Variants in ENTPD1 observed in about 807,000 individuals in gnomAD.
ENTPD1 encodes ectonucleoside triphosphate diphosphohydrolase 1.
Under a neutral mutation model 57.0 loss-of-function variants are expected in ENTPD1, and 33 were observed. The observed-to-expected ratio is 0.58, with a 90% CI of 0.44 to 0.77. ENTPD1 has a LOEUF of 0.77. Among genes scored for constraint, ENTPD1 ranks in the 30% least tolerant of loss-of-function variants. The probability of loss-of-function intolerance (pLI) is 0.00; values close to 1 mark genes in which losing one functional copy is unlikely to be tolerated. For missense variants in ENTPD1, 501 were observed against 603.4 expected (o/e 0.83, Z 1.78); for synonymous variants, 202 against 218.8 (o/e 0.92, Z 0.68).
At position 95,867,547 on chromosome 10, in the gene ENTPD1, C is replaced by T; in HGVS notation, c.*1164C>T. 2.0e-6 allele frequency: 2 copies of T among 985,430 alleles called. No individual in the cohort carries two copies. The highest frequency in any genetic ancestry group is 2.4e-6 in the Non-Finnish European group (2 of 829,930). 61.0% of individuals were successfully genotyped at this position (985,430 alleles called of 1,614,324 possible). A position where few individuals can be genotyped will look rare whatever the true frequency, so the allele number is the denominator to read the frequency against. On this transcript the variant is annotated 3_prime_UTR_variant, in exon 10 of 10. Transcript: ENST00000371205. ...TGCTTTTGCCCTATCGTGGAATTTA[C>T]ACATCAGAATGTGCAGGATCCAAGT...
chr10:95,734,005 T>G (rs1201439308), intron 1 of ENTPD1, among the ~76,000 whole-genome samples: 1 of 152,166 alleles, frequency 6.6e-6, no homozygotes, highest in Non-Finnish European at 1.5e-5. Flanking sequence ...TGTGGTCATG[T>G]CCTGCTGGGT....
At chr10:95,703,020 C>T in the ENTPD1 span, among the ~76,000 whole-genome samples, 6 of 151,952 alleles carry the variant, frequency 3.9e-5, no homozygotes, top group African/African-American at 9.7e-5. Flanking sequence ...TTCCTCACCT[C>T]GTGATCCACC....
chr10:95,705,125 AG>A, the ENTPD1 span, among the ~76,000 whole-genome samples: 1 of 152,164 alleles, frequency 6.6e-6, no homozygotes, highest in South Asian at 2.1e-4. Flanking sequence ...TTAAAGGTGG[AG>A]GATATGGAGT....
At chr10:95,731,433 C>T (rs1422757369) in intron 1 of ENTPD1, among the ~76,000 whole-genome samples, 3 of 152,172 alleles carry the variant, frequency 2.0e-5, no homozygotes, top group African/African-American at 7.2e-5. Flanking sequence ...GTACCCTCAG[C>T]CCTCACCATT....
Position 95,756,192 on chromosome 10 carries a change from G to GC in ENTPD1, c.-48_-47insC, listed in dbSNP as rs1555278459. 2 of 1,370,554 alleles carry GC rather than the reference G, an allele frequency of 1.5e-6. No individual in the cohort carries two copies. Among genetic ancestry groups the GC allele is most frequent in the South Asian group, 1.4e-5 (1 of 71,958 alleles). The allele number at this position is 1,370,554 out of a possible 1,614,324, so 84.9% of individuals were successfully genotyped here. ...AGACGGACCACAGCAAGCAGAGGCT[G>GC]GGGGGGGGAAAGACGAGGAAAGAGG... On this transcript the variant is annotated 5_prime_UTR_variant, in exon 1 of 10. Coordinates refer to ENST00000371205, the MANE Select transcript of ENTPD1 (RefSeq NM_001776.6).
At chr10:95,698,051 G>T in the ENTPD1 span, among the ~76,000 whole-genome samples, 2 of 152,186 alleles carry the variant, frequency 1.3e-5, no homozygotes, top group African/African-American at 4.8e-5. Context: ...ACTTCTTAGA[G>T]ATTTGTTAAA....
At chr10:95,844,790 T>C in intron 5 of ENTPD1, 155 bp downstream of exon 5, 2 of 960,820 alleles carry the variant, frequency 2.1e-6, no homozygotes, top group Non-Finnish European at 3.3e-6. Flanking sequence ...CTCACATTTG[T>C]AAGGGTCACC....
At chr10:95,713,689 G>A (rs559420394) in intron 1 of ENTPD1, among the ~76,000 whole-genome samples, 4 of 152,172 alleles carry the variant, frequency 2.6e-5, no homozygotes, top group Admixed American at 6.5e-5. Flanking sequence ...ATATTTGTGT[G>A]ACTCTTGACT....
chr10:95,720,095 A>T (rs986631558), intron 1 of ENTPD1, among the ~76,000 whole-genome samples: 1 of 152,078 alleles, frequency 6.6e-6, no homozygotes, highest in South Asian at 2.1e-4. Flanking sequence ...GGGCTATTGC[A>T]TGGTTTTACT....
intron 1 of ENTPD1, among the ~76,000 whole-genome samples, chr10:95,775,943 C>A (rs2098132143): frequency 6.6e-6 from 1 of 152,142 alleles, no homozygotes; most frequent in Non-Finnish European, 1.5e-5. Flanking sequence ...TCTGTTTTAT[C>A]AGAGACTAGG....
At chr10:95,785,514 G>A (rs1044717844) in intron 1 of ENTPD1, among the ~76,000 whole-genome samples, 2 of 152,190 alleles carry the variant, frequency 1.3e-5, no homozygotes, top group Admixed American at 6.5e-5. Flanking sequence ...AAGATCATAA[G>A]GTCTCAGGAC....
chr10:95,735,641 G>A (rs2097993872), intron 1 of ENTPD1, among the ~76,000 whole-genome samples: 1 of 152,046 alleles, frequency 6.6e-6, no homozygotes, highest in South Asian at 2.1e-4. Context: ...TGTTGCCCAG[G>A]CTGGAGTGCA....
intron 4 of ENTPD1, chr10:95,843,256 A>C (rs2098426256): frequency 1.3e-5 from 2 of 152,268 alleles, no homozygotes; most frequent in African/African-American, 2.4e-5. Context: ...TGAACAGGAC[A>C]AAGTCTCTGA....
At chr10:95,724,575 T>G (rs1343837888) in intron 1 of ENTPD1, among the ~76,000 whole-genome samples, 1 of 152,152 alleles carries the variant, frequency 6.6e-6, no homozygotes, top group Admixed American at 6.5e-5. Flanking sequence ...AGTGTTCAGC[T>G]CAACTAGGAC....
chr10:95,745,209 G>A lies in ENTPD1; in HGVS notation c.37+33216G>A, dbSNP rs193189305. 2.0e-4 allele frequency among the ~76,000 whole-genome samples: 31 copies of A among 152,134 alleles called. No individual in the cohort carries two copies. The East Asian group carries it at 5.0e-3, about 25-fold the overall frequency. On this transcript the variant is annotated intron_variant, in intron 1 of 9. Transcript: ENST00000453258. ...AATGTTTTTTTATTTTTAGAAATAAGGTCTTGCTCTCTTTCTCAGGTTGGA... is the reference window on the plus strand; with the variant it reads ...AATGTTTTTTTATTTTTAGAAATAAAGTCTTGCTCTCTTTCTCAGGTTGGA...
Position 95,871,221 on chromosome 10 carries a change from TAAATGCGATTA to T in ENTPD1, c.*4839_*4849del, listed in dbSNP as rs2098480065. ...TTAACACAGGAAAAAAGTAAAGCAT[TAAATGCGATTA>T]TTTAATATACAATGTCTTATTAACT... On this transcript the variant is annotated 3_prime_UTR_variant, in exon 10 of 10. Coordinates refer to ENST00000371205, the MANE Select transcript of ENTPD1 (RefSeq NM_001776.6). The T allele has an allele frequency of 1.0e-6, 1 of 985,340 alleles. No individual in the cohort carries two copies. Among genetic ancestry groups the T allele is most frequent in the Admixed American group, 6.1e-5 (1 of 16,270 alleles). 61.0% of individuals were successfully genotyped at this position (985,340 alleles called of 1,614,324 possible).
In ENTPD1 at chr10:95,869,245, T is replaced by C. The variant is rs2098477803; in HGVS notation, c.*2862T>C. On this transcript the variant is annotated 3_prime_UTR_variant, in exon 10 of 10. Transcript: ENST00000371205. ...AAAGATCAGCAGAAGTCATTACTTTTTTTTTTTTTTTTTTTTTTTTTTGAG... is the reference window on the plus strand; with the variant it reads ...AAAGATCAGCAGAAGTCATTACTTTCTTTTTTTTTTTTTTTTTTTTTTGAG... 1 of 368,928 alleles carries C rather than the reference T, an allele frequency of 2.7e-6. No individual in the cohort carries two copies. Among genetic ancestry groups the C allele is most frequent in the South Asian group, 1.0e-4 (1 of 9,964 alleles). The allele number at this position is 368,928 out of a possible 1,614,324, so 22.9% of individuals were successfully genotyped here. A position where few individuals can be genotyped will look rare whatever the true frequency, so the allele number is the denominator to read the frequency against.
intron 1 of ENTPD1, among the ~76,000 whole-genome samples, chr10:95,741,502 A>T (rs903976014): frequency 6.6e-6 from 1 of 152,236 alleles, no homozygotes; most frequent in African/African-American, 2.4e-5. Context: ...CAGAGACATG[A>T]AGTGAGCACA....
chr10:95,874,241 C>T lies in ENTPD1; in HGVS notation c.*7858C>T, dbSNP rs1430009301. Among the ~76,000 whole-genome samples the T allele has an allele frequency of 6.6e-6, 1 of 152,142 alleles. No individual in the cohort carries two copies. The highest frequency in any genetic ancestry group is 2.4e-5 in the African/African-American group (1 of 41,418). On this transcript the variant is annotated 3_prime_UTR_variant, in exon 10 of 10. Coordinates refer to ENST00000371205, the MANE Select transcript of ENTPD1 (RefSeq NM_001776.6). The stretch of plus-strand genomic sequence containing the variant: ...AAGCAAGCTAGTTACCTCCTAGATA[C>T]AATGGGGGGTACAGGTATTGGGTAA...
Sources: gnomAD v4.1 joint callset for allele counts (sites outside exome capture counted in the v4.1 genomes callset) on GRCh38, gnomAD v4.1.1 for gene constraint, MANE v1.5 for transcripts, NCBI Gene and HGNC (gene_info 2026-07-23, HGNC 2026-07-21) for gene names.